GPC6: variants seen among roughly 807,000 people sequenced by gnomAD.
GPC6 encodes glypican 6, also known as glypican-6.
A neutral mutation model predicts 55.2 loss-of-function variants in GPC6; 14 were observed. That is an observed-to-expected ratio of 0.25 (90% confidence interval 0.17 to 0.40). The LOEUF (loss-of-function observed/expected upper bound fraction) is 0.40, where lower values mean the gene tolerates loss of function less well. Among genes scored for constraint, GPC6 ranks in the 10% least tolerant of loss-of-function variants. The pLI is 1.00. For missense variants in GPC6, 641 were observed against 708.5 expected (o/e 0.90, Z 1.08); for synonymous variants, 278 against 259.6 (o/e 1.07, Z -0.68).
chr13:93,624,533 A>G (rs770005686), intron 2 of GPC6, among the ~76,000 whole-genome samples: 1 of 152,262 alleles, frequency 6.6e-6, no homozygotes, highest in Non-Finnish European at 1.5e-5. Flanking sequence ...GATAAAAACC[A>G]GCATCCTTGT....
chr13:94,081,557 C>G (rs1429651385), intron 4 of GPC6, among the ~76,000 whole-genome samples: 1 of 152,052 alleles, frequency 6.6e-6, no homozygotes, highest in Non-Finnish European at 1.5e-5. Context: ...GGAAAAGGAG[C>G]TGAAGGAGAG....
At chr13:93,525,101 A>G (rs1204381314) in intron 1 of GPC6, among the ~76,000 whole-genome samples, 3 of 152,082 alleles carry the variant, frequency 2.0e-5, no homozygotes, top group Non-Finnish European at 4.4e-5. Context: ...GCATGGCTAG[A>G]TTCCACCACT....
intron 2 of GPC6, among the ~76,000 whole-genome samples, chr13:93,829,831 G>T (rs566035262): frequency 2.0e-5 from 3 of 152,260 alleles, no homozygotes; most frequent in Admixed American, 2.0e-4. Context: ...AATATATTTT[G>T]ATTTGAGTTT....
intron 2 of GPC6, among the ~76,000 whole-genome samples, chr13:93,773,560 G>A (rs1352266885): frequency 6.6e-6 from 1 of 152,116 alleles, no homozygotes; most frequent in Non-Finnish European, 1.5e-5. Flanking sequence ...GTATGTGACT[G>A]TAGGGGTTCC....
intron 4 of GPC6, among the ~76,000 whole-genome samples, chr13:94,051,709 A>G (rs970474397): frequency 1.3e-5 from 2 of 152,206 alleles, no homozygotes; most frequent in African/African-American, 2.4e-5. Flanking sequence ...CATTAAAAAA[A>G]GGATAACAAT....
intron 6 of GPC6, among the ~76,000 whole-genome samples, chr13:94,341,683 A>C (rs980095320): frequency 2.0e-5 from 3 of 152,196 alleles, no homozygotes; most frequent in Non-Finnish European, 4.4e-5. Context: ...TTCAAACAAA[A>C]TGGCAGCTCA....
At chr13:93,923,837 T>A (rs1049332596) in intron 3 of GPC6, among the ~76,000 whole-genome samples, 1 of 152,230 alleles carries the variant, frequency 6.6e-6, no homozygotes, top group African/African-American at 2.4e-5. Context: ...TCAGCTCCCT[T>A]ATTTAGCATC....
At chr13:94,086,328 G>A (rs1251572518) in intron 4 of GPC6, among the ~76,000 whole-genome samples, 1 of 152,104 alleles carries the variant, frequency 6.6e-6, no homozygotes, top group African/African-American at 2.4e-5. Flanking sequence ...CACCTTCCCC[G>A]GAAACAGGCT....
At chr13:93,375,662 A>G (rs1874859141) in intron 1 of GPC6, among the ~76,000 whole-genome samples, 1 of 152,212 alleles carries the variant, frequency 6.6e-6, no homozygotes. Flanking sequence ...TTCTGGCTGG[A>G]CAACCTGTAC....
At chr13:93,461,543 A>G (rs769890763) in intron 1 of GPC6, among the ~76,000 whole-genome samples, 106 of 152,146 alleles carry the variant, frequency 7.0e-4, no homozygotes, top group Non-Finnish European at 1.3e-3. Flanking sequence ...AGTAGAGTCC[A>G]TCTACCATTG....
At chr13:93,331,929 A>G (rs982386418) in intron 1 of GPC6, among the ~76,000 whole-genome samples, 2 of 152,158 alleles carry the variant, frequency 1.3e-5, no homozygotes, top group Middle Eastern at 3.4e-3. Flanking sequence ...ATCCATTTTT[A>G]TAGCTCCCAT....
At chr13:93,889,241 C>G (rs754920404) in intron 3 of GPC6, among the ~76,000 whole-genome samples, 2 of 152,104 alleles carry the variant, frequency 1.3e-5, no homozygotes, top group African/African-American at 4.8e-5. Context: ...AAGGCCCTCA[C>G]TTTAATACAG....
intron 3 of GPC6, among the ~76,000 whole-genome samples, chr13:93,832,093 A>AAAAAAAAAAG: frequency 4.5e-5 from 1 of 22,340 alleles, no homozygotes; most frequent in African/African-American, 2.3e-4. Flanking sequence ...CCAACTCAAA[A>AAAAAAAAAAG]AAAAAAAAAA....
chr13:93,714,844 C>G (rs149438488), intron 2 of GPC6, among the ~76,000 whole-genome samples: 1 of 151,562 alleles, frequency 6.6e-6, no homozygotes, highest in Non-Finnish European at 1.5e-5. Flanking sequence ...TATTCATAAG[C>G]TTTTCATGGA....
At chr13:93,946,332 A>G (rs572725839) in intron 3 of GPC6, among the ~76,000 whole-genome samples, 15 of 152,156 alleles carry the variant, frequency 9.9e-5, no homozygotes, top group Non-Finnish European at 1.8e-4. Flanking sequence ...AGGTCTTGCT[A>G]TGTTGCCCAG....
chr13:93,418,230 C>G (rs1792544436), intron 1 of GPC6, among the ~76,000 whole-genome samples: 1 of 151,636 alleles, frequency 6.6e-6, no homozygotes, highest in Non-Finnish European at 1.5e-5. Flanking sequence ...ATAATCACAT[C>G]ATGATAAATG....
intron 5 of GPC6, among the ~76,000 whole-genome samples, chr13:94,299,843 A>G (rs79418814): frequency 0.016 from 2,446 of 152,298 alleles, 30 homozygotes; most frequent in East Asian, 0.035. Context: ...CTGGACAAAT[A>G]TATGGTATCC....
rs1162879282 is a variant in GPC6 at position 93,380,376 on chromosome 13, T to C, written c.160+152760T>C. On this transcript the variant is annotated intron_variant, in intron 1 of 8. Transcript: ENST00000377047. ...TAAATTCCGAATAGACTGATATTTA[T>C]GGTTTGTTTAGAAATAAAGGTATTA... Among the ~76,000 whole-genome samples the C allele has an allele frequency of 2.6e-5, 4 of 152,154 alleles. No individual in the cohort carries two copies. The East Asian group carries it at 7.7e-4, about 29-fold the overall frequency.
intron 4 of GPC6, among the ~76,000 whole-genome samples, chr13:94,051,634 C>T (rs1041820942): frequency 1.7e-4 from 26 of 152,036 alleles, no homozygotes; most frequent in African/African-American, 4.6e-4. Flanking sequence ...ATATTCTTAA[C>T]GAAAGAGTAC....
Sources: allele counts gnomAD v4.1 joint callset (sites outside exome capture counted in the v4.1 genomes callset), GRCh38; gene constraint gnomAD v4.1.1; transcripts MANE v1.5; gene names NCBI Gene and HGNC (gene_info 2026-07-23, HGNC 2026-07-21).